Variants in INTS6 observed in about 807,000 individuals in gnomAD.
INTS6 encodes integrator complex subunit 6, also known as DEAD box protein.
Under a neutral mutation model 104.9 loss-of-function variants are expected in INTS6, and 16 were observed. The ratio of observed to expected loss-of-function variants is 0.15; its 90% CI spans 0.10 to 0.23. The LOEUF (loss-of-function observed/expected upper bound fraction) is 0.23, where lower values mean the gene tolerates loss of function less well. Among genes scored for constraint, INTS6 ranks in the 10% least tolerant of loss-of-function variants. The pLI is 1.00. For missense variants in INTS6, 584 were observed against 1,062.8 expected (o/e 0.55, Z 6.26); for synonymous variants, 324 against 358.7 (o/e 0.90, Z 1.09).
At position 51,392,258 on chromosome 13, in the gene INTS6, T is replaced by C. The variant is rs554160274; in HGVS notation, c.614-2814A>G. Among the ~76,000 whole-genome samples the C allele has an allele frequency of 2.0e-5, 3 of 152,370 alleles. No individual in the cohort carries two copies. The South Asian group carries it at 6.2e-4, about 32-fold the overall frequency. On this transcript the variant is annotated intron_variant, in intron 5 of 17. Coordinates refer to ENST00000311234, the MANE Select transcript of INTS6 (RefSeq NM_012141.3). ...ACTTGGAATATAAAAATATATTTAT[T>C]GTAGCCTAAAGAGCCATTCAATATT...
intron 4 of INTS6, among the ~76,000 whole-genome samples, chr13:51,417,238 T>A (rs953596023): frequency 6.6e-6 from 1 of 152,210 alleles, no homozygotes; most frequent in Admixed American, 6.5e-5. Flanking sequence ...ATTTGTCTAG[T>A]TGTTCTTTGT....
intron 4 of INTS6, among the ~76,000 whole-genome samples, chr13:51,419,509 C>T (rs868195240): frequency 2.6e-5 from 4 of 152,198 alleles, no homozygotes; most frequent in Non-Finnish European, 4.4e-5. Flanking sequence ...TCTTTGCATA[C>T]ATCTACTTCA....
At chr13:51,383,099 C>CG (rs1450492724) in intron 9 of INTS6, among the ~76,000 whole-genome samples, 5 of 149,660 alleles carry the variant, frequency 3.3e-5, no homozygotes, top group East Asian at 1.9e-4. Context: ...CCCACCCCCC[C>CG]GCAAAAAAAA....
chr13:51,345,198 CTG>C, the INTS6 span, among the ~76,000 whole-genome samples: 1 of 152,112 alleles, frequency 6.6e-6, no homozygotes, highest in Non-Finnish European at 1.5e-5. Context: ...AATGGAGAAA[CTG>C]AGGCACAGAA....
At chr13:51,356,747 A>G (rs952257454), downstream of INTS6, among the ~76,000 whole-genome samples, 2 of 151,316 alleles carry the variant, frequency 1.3e-5, no homozygotes, top group Non-Finnish European at 2.9e-5. Flanking sequence ...CTAATAAATA[A>G]CCTAGTTTTA....
At chr13:51,373,534 T>C (rs1348667474) in intron 15 of INTS6, among the ~76,000 whole-genome samples, 1 of 152,228 alleles carries the variant, frequency 6.6e-6, no homozygotes, top group Non-Finnish European at 1.5e-5. Context: ...TATCTTTCAG[T>C]TCTCACCTTA....
chr13:51,348,131 G>T, the INTS6 span: 2 of 1,094,814 alleles, frequency 1.8e-6, no homozygotes, highest in Non-Finnish European at 2.6e-6. Context: ...AGTCCTCTGA[G>T]CCAGCCTCTC....
chr13:51,410,472 T>C (rs770359715), intron 4 of INTS6, among the ~76,000 whole-genome samples: 4 of 152,016 alleles, frequency 2.6e-5, no homozygotes, highest in Non-Finnish European at 5.9e-5. Flanking sequence ...GAAATGATAA[T>C]CTCTCCAATA....
At chr13:51,410,208 T>C (rs989331817) in intron 4 of INTS6, among the ~76,000 whole-genome samples, 5 of 152,196 alleles carry the variant, frequency 3.3e-5, no homozygotes, top group Non-Finnish European at 7.4e-5. Flanking sequence ...CAGTAAGCTT[T>C]CTTATAAAAA....
At chr13:51,379,228 T>C (rs879830505) in intron 11 of INTS6, among the ~76,000 whole-genome samples, 1 of 151,858 alleles carries the variant, frequency 6.6e-6, no homozygotes, top group African/African-American at 2.4e-5. Context: ...AGGACCACAC[T>C]CATGAAGCCA....
the INTS6 span, among the ~76,000 whole-genome samples, chr13:51,344,090 C>G: frequency 6.6e-6 from 1 of 152,170 alleles, no homozygotes; most frequent in African/African-American, 2.4e-5. Flanking sequence ...TTTCTGAGCA[C>G]ATTAGCTATG....
chr13:51,415,600 T>C (rs1423948509), intron 4 of INTS6, among the ~76,000 whole-genome samples: 1 of 152,186 alleles, frequency 6.6e-6, no homozygotes, highest in Non-Finnish European at 1.5e-5. Context: ...CTCCTTGCCT[T>C]CCACCAGGAT....
In INTS6 at chr13:51,451,189, G is replaced by GT. The variant is rs1253622663; in HGVS notation, c.190-16dup. On this transcript the variant is annotated splice_polypyrimidine_tract_variant and intron_variant, in intron 2 of 17. Transcript: ENST00000311234. ...TTCCATCCAGCCTGAAAAGAAAAATGTAAGATTTTTTTTTTTCATTTTTTA... is the reference window on the plus strand; with the variant it reads ...TTCCATCCAGCCTGAAAAGAAAAATGTTAAGATTTTTTTTTTTCATTTTTTA... 5.9e-6 allele frequency: 9 copies of GT among 1,531,366 alleles called. No individual in the cohort carries two copies. Among genetic ancestry groups the GT allele is most frequent in the African/African-American group, 1.4e-5 (1 of 71,246 alleles). 94.9% of individuals were successfully genotyped at this position (1,531,366 alleles called of 1,614,324 possible). A position where few individuals can be genotyped will look rare whatever the true frequency, so the allele number is the denominator to read the frequency against.
At chr13:51,366,255 G>C (rs993836413) in intron 17 of INTS6, among the ~76,000 whole-genome samples, 1 of 151,910 alleles carries the variant, frequency 6.6e-6, no homozygotes, top group African/African-American at 2.4e-5. Context: ...AAAGGAATGT[G>C]AACAAAGTAT....
At chr13:51,435,172 C>T (rs1957164317) in intron 3 of INTS6, among the ~76,000 whole-genome samples, 2 of 151,818 alleles carry the variant, frequency 1.3e-5, no homozygotes, top group African/African-American at 4.8e-5. Context: ...ACAACAAAGA[C>T]AGCCAGTAGA....
intron 10 of INTS6, among the ~76,000 whole-genome samples, chr13:51,381,306 A>G (rs570130655): frequency 4.6e-5 from 7 of 152,214 alleles, no homozygotes; most frequent in Non-Finnish European, 1.0e-4. Context: ...ACAACACTCG[A>G]GGTTAAAAGC....
intron 13 of INTS6, 74 bp downstream of exon 13, chr13:51,375,974 C>T (rs1205727658): frequency 4.8e-6 from 6 of 1,247,706 alleles, no homozygotes; most frequent in Non-Finnish European, 6.6e-6. Context: ...TTGAAATTTA[C>T]ATCACCATGC....
chr13:51,400,095 G>A (rs1956408769), intron 4 of INTS6, among the ~76,000 whole-genome samples: 1 of 152,186 alleles, frequency 6.6e-6, no homozygotes, highest in Non-Finnish European at 1.5e-5. Context: ...GCACATGCAA[G>A]GAATCTAGGT....
the INTS6 span, among the ~76,000 whole-genome samples, chr13:51,345,240 C>A: frequency 1.3e-5 from 2 of 152,092 alleles, no homozygotes; most frequent in Non-Finnish European, 2.9e-5. Context: ...GGTCCACAGG[C>A]CAGGATTCTA....
Sources: gnomAD v4.1 joint callset for allele counts (sites outside exome capture counted in the v4.1 genomes callset) on GRCh38, gnomAD v4.1.1 for gene constraint, MANE v1.5 for transcripts, NCBI Gene and HGNC (gene_info 2026-07-23, HGNC 2026-07-21) for gene names.